The following SLC17A5 variants were observed in gnomAD, a reference collection of about 807,000 sequenced individuals.
The protein encoded by SLC17A5 is sialin.
In SLC17A5, 47 loss-of-function variants were observed where a neutral mutation model predicts 59.4. The ratio of observed to expected loss-of-function variants is 0.79; its 90% CI spans 0.63 to 1.01. SLC17A5 has a LOEUF of 1.01. SLC17A5 is among the 50% of genes least tolerant of loss of function. The probability of loss-of-function intolerance (pLI) is 0.00; values close to 1 mark genes in which losing one functional copy is unlikely to be tolerated. For missense variants in SLC17A5, 522 were observed against 595.5 expected, an observed-to-expected ratio of 0.88 and a Z score of 1.28; for synonymous variants, 202 against 210.7, an observed-to-expected ratio of 0.96 and a Z score of 0.36.
At chr6:73,609,552 T>A (rs763899837) in intron 9 of SLC17A5, among the ~76,000 whole-genome samples, 4 of 151,964 alleles carry the variant, frequency 2.6e-5, no homozygotes, top group East Asian at 1.9e-4. Context: ...ATCAATTGGG[T>A]CTACTCTTTC....
In SLC17A5 at chr6:73,653,810, G is replaced by T. The variant is rs980844552; in HGVS notation, c.77C>A (p.Ala26Asp). 1 of 1,595,998 alleles carries T rather than the reference G, an allele frequency of 6.3e-7. No homozygotes were observed. Among genetic ancestry groups the T allele is most frequent in the African/African-American group, 1.3e-5 (1 of 74,444 alleles). The change falls in exon 1 of 11, where the codon GCC becomes GAC. Residue 26 changes from alanine (A) to aspartate (D), a missense_variant. By Grantham distance (126) the Ala-to-Asp change is moderately radical. Around this residue, in one of 3 missense-constraint regions of SLC17A5, gnomAD observed 338 missense variants for 363.8 expected, o/e 0.93. Coordinates refer to ENST00000355773, the MANE Select transcript of SLC17A5 (RefSeq NM_012434.5). Reference sequence around the variant, plus strand: ...CCGCTTACCGGCTTCGGCCCGTGGGGCGCCCGGTAGAAGAGGCGTGCGGTC... The same window carrying T: ...CCGCTTACCGGCTTCGGCCCGTGGGTCGCCCGGTAGAAGAGGCGTGCGGTC... ...STDRTPLLPG[A>D]PRAEAAPVCC...
At chr6:73,653,478 A>AGCGCCGGCT in intron 1 of SLC17A5, 1 of 984,632 alleles carries the variant, frequency 1.0e-6, no homozygotes, top group Non-Finnish European at 1.2e-6. Context: ...CCACCAGCTC[A>AGCGCCGGCT]GCGCCGGCTG....
intron 1 of SLC17A5, chr6:73,652,997 GA>G (rs1350696193): frequency 1.0e-6 from 1 of 953,244 alleles, no homozygotes; most frequent in Non-Finnish European, 1.2e-6. Flanking sequence ...CAAATTCAGG[GA>G]AGATGCTTTA....
chr6:73,614,661 A>G (rs549892), intron 8 of SLC17A5, among the ~76,000 whole-genome samples: 63,661 of 151,672 alleles, frequency 0.42, 14,178 homozygotes, highest in African/African-American at 0.57. Flanking sequence ...CCAATGGCCA[A>G]TGATTTAATC....
chr6:73,627,230 C>T (rs1768466790), intron 6 of SLC17A5, among the ~76,000 whole-genome samples: 1 of 151,962 alleles, frequency 6.6e-6, no homozygotes, highest in Non-Finnish European at 1.5e-5. Flanking sequence ...GCGCGTGCCA[C>T]TATGCCTGGC....
chr6:73,596,672 T>C (rs1766815373), intron 10 of SLC17A5, among the ~76,000 whole-genome samples: 1 of 150,278 alleles, frequency 6.7e-6, no homozygotes, highest in Non-Finnish European at 1.5e-5. Flanking sequence ...CTGGCTAACA[T>C]GGTGAAACCC....
At chr6:73,614,546 G>A (rs916340927) in intron 8 of SLC17A5, among the ~76,000 whole-genome samples, 1 of 152,188 alleles carries the variant, frequency 6.6e-6, no homozygotes, top group Non-Finnish European at 1.5e-5. Context: ...GGTGGCTGGG[G>A]GTCCCCATAC....
chr6:73,639,487 A>T (rs867475145), intron 3 of SLC17A5, among the ~76,000 whole-genome samples: 1 of 152,240 alleles, frequency 6.6e-6, no homozygotes, highest in Non-Finnish European at 1.5e-5. Context: ...TTGCAAATCA[A>T]TAAGAATCTA....
intron 9 of SLC17A5, among the ~76,000 whole-genome samples, chr6:73,607,428 G>A (rs1055988486): frequency 4.0e-5 from 6 of 151,898 alleles, no homozygotes; most frequent in Non-Finnish European, 8.8e-5. Flanking sequence ...CACCCCACCT[G>A]GCTAATTTTA....
intron 7 of SLC17A5, among the ~76,000 whole-genome samples, chr6:73,615,937 G>A (rs574563835): frequency 7.2e-6 from 1 of 139,452 alleles, no homozygotes; most frequent in African/African-American, 2.6e-5. Flanking sequence ...TCAGGCTGGA[G>A]TACAGGGGTG....
At chr6:73,636,833 C>A in intron 4 of SLC17A5, 126 bp from the exon 5 acceptor site, 3 of 739,168 alleles carry the variant, frequency 4.1e-6, no homozygotes, top group Non-Finnish European at 7.3e-6. Flanking sequence ...GTAATCCCTG[C>A]ACTTTGGGAG....
At chr6:73,623,674 A>C (rs965461282) in intron 6 of SLC17A5, among the ~76,000 whole-genome samples, 9 of 116,640 alleles carry the variant, frequency 7.7e-5, no homozygotes, top group Non-Finnish European at 1.5e-4. Context: ...TTATTTATTT[A>C]TTTATTTATT....
intron 9 of SLC17A5, among the ~76,000 whole-genome samples, chr6:73,608,526 AC>A (rs1767498957): frequency 6.6e-6 from 1 of 152,056 alleles, no homozygotes; most frequent in Admixed American, 6.6e-5. Context: ...CTGGATATCA[AC>A]TCTTGCCTGA....
intron 1 of SLC17A5, among the ~76,000 whole-genome samples, chr6:73,646,876 A>G (rs904783249): frequency 6.6e-6 from 1 of 151,988 alleles, no homozygotes; most frequent in African/African-American, 2.4e-5. Context: ...GGGTCTCACT[A>G]TTTTGCCCAG....
intron 6 of SLC17A5, among the ~76,000 whole-genome samples, chr6:73,626,155 T>C (rs895399466): frequency 6.6e-6 from 1 of 152,198 alleles, no homozygotes; most frequent in Non-Finnish European, 1.5e-5. Context: ...ATAAGAAATA[T>C]TTAATTTTAG....
At chr6:73,616,565 ACACACACACACACAC>A (rs1217022845) in intron 7 of SLC17A5, among the ~76,000 whole-genome samples, 1 of 123,152 alleles carries the variant, frequency 8.1e-6, no homozygotes, top group African/African-American at 3.8e-5. Flanking sequence ...ACACACACAC[ACACACACACACACAC>A]GTTTATTTTT....
chr6:73,647,762 G>C (rs912330181), intron 1 of SLC17A5, among the ~76,000 whole-genome samples: 1 of 152,108 alleles, frequency 6.6e-6, no homozygotes, highest in African/African-American at 2.4e-5. Flanking sequence ...TGGATGCATA[G>C]TCAGTAATTA....
intron 8 of SLC17A5, among the ~76,000 whole-genome samples, chr6:73,611,493 C>T (rs187025733): frequency 2.8e-3 from 418 of 151,936 alleles, no homozygotes; most frequent in South Asian, 4.6e-3. Context: ...TTGGCCAGGC[C>T]GTTCTCGAAC....
chr6:73,600,748 G>T (rs1767022862), intron 9 of SLC17A5, among the ~76,000 whole-genome samples: 1 of 152,088 alleles, frequency 6.6e-6, no homozygotes, highest in East Asian at 1.9e-4. Context: ...TGATCTGCCT[G>T]CCTCGGCCTC....
Sources: allele counts gnomAD v4.1 joint callset (sites outside exome capture counted in the v4.1 genomes callset), GRCh38; gene constraint gnomAD v4.1.1; regional missense constraint gnomAD v4.1.1; transcripts MANE v1.5; gene names NCBI Gene and HGNC (gene_info 2026-07-23, HGNC 2026-07-21).